Variants in SLC39A11 observed in about 807,000 individuals in gnomAD.
SLC39A11 encodes solute carrier family 39 member 11, also known as zinc transporter ZIP11.
Under a neutral mutation model 36.1 loss-of-function variants are expected in SLC39A11, and 33 were observed. The observed-to-expected ratio is 0.91, with a 90% CI of 0.69 to 1.22. The LOEUF (loss-of-function observed/expected upper bound fraction) is 1.22. Ranked by LOEUF, SLC39A11 falls within the 50% of genes most tolerant of loss-of-function variation. The pLI, the probability that SLC39A11 is intolerant of heterozygous loss-of-function variation, is 0.00. For synonymous variants in SLC39A11, 166 were observed against 170.3 expected (o/e 0.97, Z 0.20); for missense variants, 432 against 430.3 (o/e 1.00, Z -0.03).
At chr17:73,078,526 G>A (rs1213790043) in intron 3 of SLC39A11, among the ~76,000 whole-genome samples, 3 of 148,344 alleles carry the variant, frequency 2.0e-5, no homozygotes, top group African/African-American at 7.5e-5. Context: ...TCACTCTGTT[G>A]CCCAGGCTGG....
chr17:72,828,531 C>T (rs1192988691), intron 6 of SLC39A11, among the ~76,000 whole-genome samples: 1 of 152,160 alleles, frequency 6.6e-6, no homozygotes, highest in Non-Finnish European at 1.5e-5. Context: ...AGTGGAGGGG[C>T]CACTGGGATT....
intron 6 of SLC39A11, among the ~76,000 whole-genome samples, chr17:72,771,417 A>G (rs1864682): frequency 0.097 from 14,694 of 151,710 alleles, 1,717 homozygotes; most frequent in African/African-American, 0.28. Context: ...AGCCATGAGC[A>G]GAGGTGTGCA....
At chr17:72,734,152 T>G (rs920264256) in intron 7 of SLC39A11, among the ~76,000 whole-genome samples, 8 of 152,104 alleles carry the variant, frequency 5.3e-5, no homozygotes, top group African/African-American at 1.9e-4. Flanking sequence ...CTATGTGTAG[T>G]GTGAACTAAA....
chr17:72,973,955 G>C (rs1297742410), intron 4 of SLC39A11, among the ~76,000 whole-genome samples: 3 of 152,132 alleles, frequency 2.0e-5, no homozygotes, highest in Admixed American at 2.0e-4. Context: ...GTCCAGTCTT[G>C]TGTGCATGAT....
chr17:72,751,126 T>C (rs950766626), intron 6 of SLC39A11, among the ~76,000 whole-genome samples: 1 of 152,150 alleles, frequency 6.6e-6, no homozygotes, highest in Non-Finnish European at 1.5e-5. Context: ...TGGGCGCTTG[T>C]AATCCCAGCT....
intron 7 of SLC39A11, among the ~76,000 whole-genome samples, chr17:72,708,566 GCCTGTTA>G (rs1346466696): frequency 6.6e-6 from 1 of 152,132 alleles, no homozygotes; most frequent in Non-Finnish European, 1.5e-5. Flanking sequence ...CTTGCCTACA[GCCTGTTA>G]CCTCATCTCC....
intron 7 of SLC39A11, among the ~76,000 whole-genome samples, chr17:72,657,430 G>A (rs2070183367): frequency 6.6e-6 from 1 of 152,188 alleles, no homozygotes; most frequent in Non-Finnish European, 1.5e-5. Flanking sequence ...AGCAGAGATG[G>A]AAGAGAGAAT....
At chr17:73,084,726 A>G in intron 3 of SLC39A11, 82 bp downstream of exon 3, 3 of 1,375,112 alleles carry the variant, frequency 2.2e-6, no homozygotes, top group Non-Finnish European at 2.1e-6. Context: ...TCGCAAGGGG[A>G]GGGACTGAAG....
intron 3 of SLC39A11, among the ~76,000 whole-genome samples, chr17:73,043,249 G>A (rs926370512): frequency 2.0e-5 from 3 of 152,178 alleles, no homozygotes; most frequent in African/African-American, 4.8e-5. Flanking sequence ...CTGGAGGCAA[G>A]TACACAGAGG....
At position 72,753,443 on chromosome 17, in the gene SLC39A11, T is replaced by C. The variant is rs1194674243; in HGVS notation, c.602-16724A>G. ...AAAGAATTCTGGCAATTATACGATA[T>C]GATTAATTTTCAAGAACTCTTTCTT... On this transcript the variant is annotated intron_variant, in intron 6 of 9. Coordinates refer to ENST00000255559, the MANE Select transcript of SLC39A11 (RefSeq NM_139177.4). Among the ~76,000 whole-genome samples, 4 of 152,324 alleles carry C rather than the reference T, an allele frequency of 2.6e-5. No homozygotes were observed. The East Asian group carries it at 7.7e-4, about 29-fold the overall frequency.
At chr17:73,061,069 T>G (rs1169197237) in intron 3 of SLC39A11, among the ~76,000 whole-genome samples, 1 of 152,182 alleles carries the variant, frequency 6.6e-6, no homozygotes, top group Non-Finnish European at 1.5e-5. Flanking sequence ...TGGGTAAGAA[T>G]TCTCAGAACT....
chr17:72,828,630 G>A (rs1055036253), intron 6 of SLC39A11, among the ~76,000 whole-genome samples: 1 of 152,220 alleles, frequency 6.6e-6, no homozygotes, highest in Non-Finnish European at 1.5e-5. Flanking sequence ...GTTCCTGTTT[G>A]AGAGGAGTCT....
At chr17:73,019,230 G>A (rs2058265455) in intron 4 of SLC39A11, among the ~76,000 whole-genome samples, 1 of 152,162 alleles carries the variant, frequency 6.6e-6, no homozygotes, top group Non-Finnish European at 1.5e-5. Flanking sequence ...AAAAATATGG[G>A]TCTACTGAGG....
chr17:73,064,944 T>C (rs773397384), intron 3 of SLC39A11, among the ~76,000 whole-genome samples: 5 of 152,276 alleles, frequency 3.3e-5, no homozygotes, highest in Non-Finnish European at 2.9e-5. Context: ...CCCATACCCC[T>C]GCCTGAGGAA....
At position 72,647,663 on chromosome 17, in the gene SLC39A11, C is replaced by A. The variant is rs757999944; in HGVS notation, c.930-1G>T. 8.7e-6 allele frequency: 14 copies of A among 1,613,630 alleles called. No homozygotes were observed. Among genetic ancestry groups the A allele is most frequent in the Non-Finnish European group, 1.2e-5 (14 of 1,179,706 alleles). ...CCAGGATGCCAGTTTCCCATTACCA[C>A]TGGAAGAGAAGGACAGGAAGAAAAG... is the stretch of plus-strand genomic sequence containing the variant. On this transcript the variant is annotated splice_acceptor_variant, in intron 9 of 9. Transcript: ENST00000255559. LOFTEE classifies it high-confidence loss of function.
chr17:73,079,929 T>C (rs2060458080), intron 3 of SLC39A11, among the ~76,000 whole-genome samples: 1 of 152,030 alleles, frequency 6.6e-6, no homozygotes, highest in African/African-American at 2.4e-5. Context: ...TACTTAGGAA[T>C]ACACCTAACC....
intron 4 of SLC39A11, among the ~76,000 whole-genome samples, chr17:73,014,758 A>G (rs1354685490): frequency 1.3e-5 from 2 of 152,180 alleles, no homozygotes; most frequent in African/African-American, 4.8e-5. Context: ...CTTCGCTCCC[A>G]GCGTCATCTG....
chr17:72,773,830 T>C (rs978564595), intron 6 of SLC39A11, among the ~76,000 whole-genome samples: 1 of 152,112 alleles, frequency 6.6e-6, no homozygotes, highest in African/African-American at 2.4e-5. Context: ...AAAAAAATAT[T>C]CAGGCTTAGC....
At chr17:72,722,313 A>T (rs1035907947) in intron 7 of SLC39A11, among the ~76,000 whole-genome samples, 7 of 152,194 alleles carry the variant, frequency 4.6e-5, no homozygotes, top group Middle Eastern at 3.2e-3. Flanking sequence ...AACACATTTT[A>T]AAAATACACC....
Sources: gnomAD v4.1 joint callset for allele counts (sites outside exome capture counted in the v4.1 genomes callset) on GRCh38, gnomAD v4.1.1 for gene constraint, MANE v1.5 for transcripts, NCBI Gene and HGNC (gene_info 2026-07-23, HGNC 2026-07-21) for gene names.